RETSAT: variants seen among roughly 807,000 people sequenced by gnomAD.
The protein encoded by RETSAT is retinol saturase.
RETSAT carries 35 observed loss-of-function variants against 61.6 expected under a neutral mutation model. The ratio of observed to expected loss-of-function variants is 0.57; its 90% confidence interval spans 0.43 to 0.75. The LOEUF (loss-of-function observed/expected upper bound fraction) is 0.75. RETSAT is among the 30% of genes least tolerant of loss of function. The pLI is 0.00. For missense variants in RETSAT, 670 were observed against 759.5 expected (o/e 0.88, Z 1.38); for synonymous variants, 277 against 310.4 (o/e 0.89, Z 1.13).
chr2:85,346,144 G>C, intron 5 of RETSAT, 50 bp from the exon 6 acceptor site: 1 of 1,579,826 alleles, frequency 6.3e-7, no homozygotes, highest in East Asian at 2.2e-5. Flanking sequence ...GGGATGAAGA[G>C]AAAGGCCCAC....
intron 5 of RETSAT, among the ~76,000 whole-genome samples, chr2:85,348,500 C>T (rs1490628064): frequency 3.3e-5 from 5 of 151,132 alleles, no homozygotes; most frequent in Non-Finnish European, 5.9e-5. Flanking sequence ...GGCGTGGTGG[C>T]GGGCACCTGT....
At chr2:85,353,050 A>G (rs754970795) in intron 1 of RETSAT, among the ~76,000 whole-genome samples, 11 of 152,248 alleles carry the variant, frequency 7.2e-5, no homozygotes, top group Admixed American at 1.3e-4. Context: ...TAGTAAAAAA[A>G]AATTTCACAT....
intron 6 of RETSAT, among the ~76,000 whole-genome samples, chr2:85,345,270 C>G (rs1470457819): frequency 6.6e-6 from 1 of 152,166 alleles, no homozygotes; most frequent in African/African-American, 2.4e-5. Context: ...TCACAACTGC[C>G]TTACCACCCA....
At chr2:85,352,081 A>G (rs1683307617) in intron 1 of RETSAT, among the ~76,000 whole-genome samples, 2 of 152,138 alleles carry the variant, frequency 1.3e-5, no homozygotes, top group Non-Finnish European at 2.9e-5. Context: ...TTTTGAGACA[A>G]GGTCTCACTA....
At chr2:85,344,822 G>T in intron 6 of RETSAT, 90 bp from the exon 7 acceptor site, 1 of 1,463,796 alleles carries the variant, frequency 6.8e-7, no homozygotes, top group Non-Finnish European at 9.2e-7. Flanking sequence ...GCCAGCTCTG[G>T]CACCTGCCTG....
intron 5 of RETSAT, among the ~76,000 whole-genome samples, chr2:85,348,977 C>T (rs1479408674): frequency 6.6e-6 from 1 of 151,436 alleles, no homozygotes; most frequent in Non-Finnish European, 1.5e-5. Context: ...TCTCGAACTC[C>T]TGACCTTGTG....
rs994141785 is a variant in RETSAT, at chr2:85,349,651, A to C, written c.800-70T>G. On this transcript the variant is annotated intron_variant, in intron 4 of 10. Coordinates refer to ENST00000295802, the MANE Select transcript of RETSAT (RefSeq NM_017750.4). Reference sequence around the variant, plus strand: ...AGCACCATTCAGAAAGGAACGTGGAATTCTGTGAGATAACACACAGCCCAG... The same window carrying C: ...AGCACCATTCAGAAAGGAACGTGGACTTCTGTGAGATAACACACAGCCCAG... The C allele has an allele frequency of 1.2e-5, 16 of 1,309,332 alleles. No homozygotes were observed. The African/African-American group carries it at 2.2e-4, about 18-fold the overall frequency. 81.1% of individuals were successfully genotyped at this position (1,309,332 alleles called of 1,614,324 possible).
Position 85,350,788 on chromosome 2 carries a change from GCTTTATATA to G in RETSAT, c.580_588del (p.Tyr194_Lys196del). ...CAGCATGTCCATGTTACCTTAACCA[GCTTTATATA>G]CTTGTCAATGATAGCTTCCTCCTGT... On this transcript the variant is annotated inframe_deletion, in exon 3 of 11. Coordinates refer to ENST00000295802, the MANE Select transcript of RETSAT (RefSeq NM_017750.4). 1 of 1,614,170 alleles carries G rather than the reference GCTTTATATA, an allele frequency of 6.2e-7. No individual in the cohort carries two copies. Among genetic ancestry groups the G allele is most frequent in the Non-Finnish European group, 8.5e-7 (1 of 1,180,016 alleles).
rs1373042038 is a variant in RETSAT, at chr2:85,349,454, C to G, written c.927G>C (p.Arg309=). ...CCTTTGTGAGGACAGCGCCCCCAGC[C>G]CGCTGAATCACAGGGATGGTGTGGA... ...IAFHTIPVIQ[R]AGGAVLTKAT... The change falls in exon 5 of 11, where the codon CGG becomes CGC. Residue 309 remains arginine, a synonymous_variant. Transcript: ENST00000295802. The G allele has an allele frequency of 6.2e-7, 1 of 1,614,154 alleles. No individual in the cohort carries two copies. Among genetic ancestry groups the G allele is most frequent in the East Asian group, 2.2e-5 (1 of 44,878 alleles).
At chr2:85,350,274 C>A in intron 3 of RETSAT, 33 bp from the exon 4 acceptor site, 2 of 1,521,032 alleles carry the variant, frequency 1.3e-6, no homozygotes, top group African/African-American at 2.7e-5. Flanking sequence ...CAGGCCTCAC[C>A]TCTAGAACCG....
At chr2:85,351,955 A>G in intron 1 of RETSAT, 93 bp from the exon 2 acceptor site, 1 of 1,208,038 alleles carries the variant, frequency 8.3e-7, no homozygotes, top group Non-Finnish European at 1.1e-6. Context: ...TAGCTTGTAC[A>G]GTGCAAGAAA....
Position 85,350,071 on chromosome 2 carries a change from C to G in RETSAT, c.768G>C (p.Gln256His). ...LQQLGASSEL[Q>H]AVLSYIFPTY... is the part of the protein sequence containing the mutation. ...TGGGGAAGATGTAGCTGAGTACTGC[C>G]TGGAGCTCAGAGGAGGCCCCCAGCT... Residue 256 changes from glutamine (Q) to histidine (H), a missense_variant, in exon 4 of 11, where the codon CAG (glutamine) becomes CAC (histidine). Transcript: ENST00000295802. 6.2e-7 allele frequency: 1 copy of G among 1,613,914 alleles called. No homozygotes were observed. Among genetic ancestry groups the G allele is most frequent in the Non-Finnish European group, 8.5e-7 (1 of 1,180,026 alleles).
intron 1 of RETSAT, among the ~76,000 whole-genome samples, chr2:85,353,043 T>TA (rs369177716): frequency 3.3e-5 from 5 of 151,750 alleles, no homozygotes; most frequent in Non-Finnish European, 7.4e-5. Context: ...AGATCAATAG[T>TA]AAAAAAAAAT....
At position 85,350,843 on chromosome 2, in the gene RETSAT, C is replaced by T. The variant is rs199984126; in HGVS notation, c.534G>A (p.Gln178=). 149 of 1,614,176 alleles carry T rather than the reference C, an allele frequency of 9.2e-5. No individual in the cohort carries two copies. In the East Asian group the frequency reaches 3.3e-3, roughly 36 times the overall value. Residue 178 remains glutamine, a synonymous_variant, in exon 3 of 11, where the codon CAG becomes CAA. Transcript: ENST00000295802. The part of the protein sequence containing the change: ...PMYSGEKAYI[Q]GLKEKFPQEE... ...CCTGTGGAAACTTCTCCTTGAGGCC[C>T]TGAATGTAGGCTTTCTCTCCACTGT... is the stretch of plus-strand genomic sequence containing the variant.
rs1683101928 is a variant in RETSAT at position 85,342,228 on chromosome 2, C to G, written c.*1014G>C. The G allele has an allele frequency of 5.2e-6, 1 of 192,160 alleles. No individual in the cohort carries two copies. Among genetic ancestry groups the G allele is most frequent in the Non-Finnish European group, 1.1e-5 (1 of 92,680 alleles). The allele number at this position is 192,160 out of a possible 1,614,324, so 11.9% of individuals were successfully genotyped here. ...AAACCTTGAGCTTGCATTCACCTAC[C>G]TGTCTAACCCTCACATGTGCTAATT... On this transcript the variant is annotated 3_prime_UTR_variant, in exon 11 of 11. Coordinates refer to ENST00000295802, the MANE Select transcript of RETSAT (RefSeq NM_017750.4).
At chr2:85,349,963 C>A (rs748020793) in intron 4 of RETSAT, 77 bp downstream of exon 4, 2 of 1,417,600 alleles carry the variant, frequency 1.4e-6, no homozygotes, top group Non-Finnish European at 2.0e-6. Flanking sequence ...CAGGCAGGGT[C>A]GAGAAGAAAG....
rs1683131247 is a variant in RETSAT at position 85,343,699 on chromosome 2, G to A, written c.1633C>T (p.His545Tyr). The change falls in exon 10 of 11, where the codon CAC becomes TAC. Residue 545 changes from histidine (H) to tyrosine (Y), a missense_variant. Transcript: ENST00000295802. ...YGADHDLGRL[H>Y]PCVMASLRAQ... ...CTCAAGGAGGCCATCACACAAGGGT[G>A]CAGGCGGCCCAGGTCATGGTCAGCC... 8.1e-6 allele frequency: 13 copies of A among 1,614,048 alleles called. No homozygotes were observed. The highest frequency in any genetic ancestry group is 2.2e-5 in the East Asian group (1 of 44,908).
At chr2:85,344,191 C>A (rs1282505185) in intron 8 of RETSAT, 26 bp from the exon 9 acceptor site, 1 of 1,614,066 alleles carries the variant, frequency 6.2e-7, no homozygotes, top group Non-Finnish European at 8.5e-7. Context: ...GATATTACTA[C>A]TGCCCGGCCT....
At chr2:85,353,303 A>C (rs1683346103) in intron 1 of RETSAT, among the ~76,000 whole-genome samples, 1 of 152,236 alleles carries the variant, frequency 6.6e-6, no homozygotes, top group South Asian at 2.1e-4. Context: ...AAATACAAAA[A>C]TTAGCTGGGC....
Sources: allele counts gnomAD v4.1 joint callset (sites outside exome capture counted in the v4.1 genomes callset), GRCh38; gene constraint gnomAD v4.1.1; transcripts MANE v1.5; gene names NCBI Gene and HGNC (gene_info 2026-07-23, HGNC 2026-07-21).